The following PCDHGB2 variants were observed in gnomAD, a reference collection of about 807,000 sequenced individuals.
PCDHGB2 encodes the protein protocadherin gamma-B2.
Under a neutral mutation model 59.3 loss-of-function variants are expected in PCDHGB2, and 55 were observed. That is an observed-to-expected ratio of 0.93 (90% CI 0.75 to 1.16). PCDHGB2 has a LOEUF of 1.16. PCDHGB2 is among the 50% of genes most tolerant of loss of function. The pLI is 0.00. For missense variants in PCDHGB2, 1,228 were observed against 1,198.5 expected (o/e 1.02, Z -0.36); for synonymous variants, 516 against 512.0 (o/e 1.01, Z -0.11).
chr5:141,372,221 G>A (rs1229058896), intron 1 of PCDHGB2: 1 of 1,613,398 alleles, frequency 6.2e-7, no homozygotes, highest in African/African-American at 1.3e-5. Context: ...ACCACATTGT[G>A]CAGGCCAGCG....
At chr5:141,422,617 G>T (rs758903894) in intron 1 of PCDHGB2, 3 of 1,613,524 alleles carry the variant, frequency 1.9e-6, no homozygotes, top group Non-Finnish European at 2.5e-6. Context: ...CTACATTCCC[G>T]AAAACAACCC....
intron 1 of PCDHGB2, chr5:141,422,847 C>G (rs1271794821): frequency 7.4e-6 from 12 of 1,614,234 alleles, no homozygotes; most frequent in Non-Finnish European, 1.0e-5. Context: ...ACAGCGGGGA[C>G]CCGCCCCTCA....
At position 141,485,336 on chromosome 5, in the gene PCDHGB2, G is replaced by A. The variant is rs755039880; in HGVS notation, c.2422-9471G>A. Reference sequence around the variant, plus strand: ...GAATGTCGCTCAAGATTTCCTGCTGGATACGGACAGTCTGTCAGCTCGCAG... The same window carrying A: ...GAATGTCGCTCAAGATTTCCTGCTGAATACGGACAGTCTGTCAGCTCGCAG... On this transcript the variant is annotated intron_variant, in intron 1 of 3. Transcript: ENST00000522605. The surrounding 1 kb of genome is among the most constrained non-coding windows in gnomAD (Gnocchi z 5.7). 3 of 1,614,176 alleles carry A rather than the reference G, an allele frequency of 1.9e-6. No homozygotes were observed. In the South Asian group the frequency reaches 3.3e-5, roughly 18 times the overall value.
intron 1 of PCDHGB2, among the ~76,000 whole-genome samples, chr5:141,363,455 C>A (rs1762933034): frequency 6.6e-6 from 1 of 152,226 alleles, no homozygotes; most frequent in Admixed American, 6.5e-5. Flanking sequence ...TACTTCTCGA[C>A]AAGTATCTGC....
intron 1 of PCDHGB2, chr5:141,475,937 C>G (rs970582600): frequency 2.8e-5 from 19 of 676,764 alleles, no homozygotes; most frequent in African/African-American, 1.8e-4. Context: ...GGCCCCTGCC[C>G]GTCCCCTTTC....
At chr5:141,393,075 G>A in intron 1 of PCDHGB2, 1 of 1,613,702 alleles carries the variant, frequency 6.2e-7, no homozygotes, top group Non-Finnish European at 8.5e-7. Context: ...GATCACCGCG[G>A]GCAGGATAGA....
chr5:141,364,177 C>G (rs1432921471), intron 1 of PCDHGB2: 4 of 848,374 alleles, frequency 4.7e-6, no homozygotes, highest in Non-Finnish European at 6.7e-6. Flanking sequence ...GACTCTGCTC[C>G]CTCCATACTA....
chr5:141,383,102 CCA>C lies in PCDHGB2; in HGVS notation c.2421+20547_2421+20548del, dbSNP rs1253092385. ...GCGGAGCGCGGAGTCCGCATCATCT[CCA>C]GAGGTAGGACGCAGCTTTTCGCCCT... On this transcript the variant is annotated intron_variant, in intron 1 of 3. Coordinates refer to ENST00000522605, the MANE Select transcript of PCDHGB2 (RefSeq NM_018923.3). 3 of 1,614,004 alleles carry C rather than the reference CCA, an allele frequency of 1.9e-6. No homozygotes were observed. In the South Asian group the frequency reaches 3.3e-5, roughly 18 times the overall value.
chr5:141,501,447 A>G (rs1483189279), intron 2 of PCDHGB2, among the ~76,000 whole-genome samples: 1 of 151,816 alleles, frequency 6.6e-6, no homozygotes, highest in Middle Eastern at 3.2e-3. Flanking sequence ...TTCCATTTTT[A>G]CTTTTCACTA....
intron 1 of PCDHGB2, chr5:141,383,733 A>G (rs770047743): frequency 6.8e-6 from 11 of 1,613,886 alleles, no homozygotes; most frequent in South Asian, 6.6e-5. Flanking sequence ...GGGAAGTGAC[A>G]TATTCTTTTC....
chr5:141,415,982 T>A lies in PCDHGB2; in HGVS notation c.2421+53426T>A, dbSNP rs531852883. The A allele has an allele frequency of 1.9e-4, 66 of 342,492 alleles. 1 individual carries two copies. Among genetic ancestry groups the A allele is most frequent in the African/African-American group, 1.3e-3 (59 of 46,668 alleles). 21.2% of individuals were successfully genotyped at this position (342,492 alleles called of 1,614,324 possible). A position where few individuals can be genotyped will look rare whatever the true frequency, so the allele number is the denominator to read the frequency against. ...AACTCCAGCCCCTTAAGCAACCCTC[T>A]TGTTCTGAAGGCAGGTCTGGTAAGA... On this transcript the variant is annotated intron_variant, in intron 1 of 3. Transcript: ENST00000522605.
chr5:141,403,315 A>C, intron 1 of PCDHGB2: 1 of 1,613,974 alleles, frequency 6.2e-7, no homozygotes, highest in African/African-American at 1.3e-5. Flanking sequence ...GAATAGAAAT[A>C]GAAGTAACTG....
intron 1 of PCDHGB2, among the ~76,000 whole-genome samples, chr5:141,433,948 T>C (rs1473404279): frequency 2.0e-5 from 3 of 152,234 alleles, no homozygotes; most frequent in Non-Finnish European, 4.4e-5. Context: ...CATTGTTTCT[T>C]CTACAGTTGT....
intron 1 of PCDHGB2, among the ~76,000 whole-genome samples, chr5:141,425,820 C>T (rs978139996): frequency 6.6e-6 from 1 of 152,156 alleles, no homozygotes; most frequent in Admixed American, 6.5e-5. Flanking sequence ...TAGAAAAAAA[C>T]AAACTTTTAA....
rs1186225096 is a variant in PCDHGB2, at chr5:141,490,605, C to G, written c.2422-4202C>G. The G allele has an allele frequency of 1.1e-5, 18 of 1,614,198 alleles. No homozygotes were observed. Among genetic ancestry groups the G allele is most frequent in the Non-Finnish European group, 1.5e-5 (18 of 1,180,030 alleles). On this transcript the variant is annotated intron_variant, in intron 1 of 3. Transcript: ENST00000522605. The surrounding 1 kb of genome is among the most constrained non-coding windows in gnomAD (Gnocchi z 5.4). ...TCAATGACAATGCACCCCGCTTCAACCAGCAGCTTTACACTGCTTACATCC... is the reference window on the plus strand; with the variant it reads ...TCAATGACAATGCACCCCGCTTCAAGCAGCAGCTTTACACTGCTTACATCC...
intron 1 of PCDHGB2, chr5:141,370,851 G>C (rs903944197): frequency 6.2e-7 from 1 of 1,614,018 alleles, no homozygotes; most frequent in South Asian, 1.1e-5. Context: ...AGCCACATTT[G>C]CCCTGGAATC....
intron 1 of PCDHGB2, chr5:141,375,579 C>A: frequency 6.2e-7 from 1 of 1,614,114 alleles, no homozygotes; most frequent in Non-Finnish European, 8.5e-7. Flanking sequence ...CTCCAGGGGG[C>A]GCCCCTGTCC....
chr5:141,364,666 CA>C (rs747851632), intron 1 of PCDHGB2: 66 of 1,614,024 alleles, frequency 4.1e-5, no homozygotes, highest in Non-Finnish European at 5.3e-5. Context: ...TGGTTGAGAA[CA>C]AAATGAAAAT....
chr5:141,403,169 C>T, intron 1 of PCDHGB2: 13 of 1,614,016 alleles, frequency 8.1e-6, no homozygotes, highest in Non-Finnish European at 1.1e-5. Flanking sequence ...AGGTAGGACG[C>T]AGCTTTTCTC....
Sources: allele counts gnomAD v4.1 joint callset (sites outside exome capture counted in the v4.1 genomes callset), GRCh38; gene constraint gnomAD v4.1.1; non-coding constraint Gnocchi (gnomAD v3.1); transcripts MANE v1.5; gene names NCBI Gene and HGNC (gene_info 2026-07-23, HGNC 2026-07-21).